The following FRMD4A variants were observed in gnomAD, a reference collection of about 807,000 sequenced individuals.
FRMD4A encodes the protein FERM domain-containing protein 4A.
Under a neutral mutation model 129.1 loss-of-function variants are expected in FRMD4A, and 29 were observed. That is an observed-to-expected ratio of 0.22 (90% confidence interval 0.17 to 0.31). The LOEUF (loss-of-function observed/expected upper bound fraction) is 0.31, where lower values mean the gene tolerates loss of function less well. FRMD4A is among the 10% of genes least tolerant of loss of function. The pLI, the probability that FRMD4A is intolerant of heterozygous loss-of-function variation, is 1.00. For missense variants in FRMD4A, 1,272 were observed against 1,375.8 expected (o/e 0.92, Z 1.19); for synonymous variants, 634 against 571.6 (o/e 1.11, Z -1.56).
intron 2 of FRMD4A, among the ~76,000 whole-genome samples, chr10:13,955,157 G>A (rs1312417110): frequency 8.3e-6 from 1 of 120,240 alleles, no homozygotes; most frequent in Non-Finnish European, 1.6e-5. Context: ...ACCCAGGCTG[G>A]AGTGCAGTGG....
At chr10:14,108,821 A>G (rs17154654) in intron 2 of FRMD4A, among the ~76,000 whole-genome samples, 41,256 of 152,086 alleles carry the variant, frequency 0.27, 6,591 homozygotes, top group East Asian at 0.5. Context: ...GAAGAAAATT[A>G]CTCCATAGAA....
intron 2 of FRMD4A, among the ~76,000 whole-genome samples, chr10:14,327,745 T>A (rs1843335134): frequency 6.6e-6 from 1 of 152,120 alleles, no homozygotes; most frequent in South Asian, 2.1e-4. Context: ...AGAACTGCAA[T>A]CCACCAACCT....
chr10:13,985,388 C>T (rs1349384730), intron 2 of FRMD4A, among the ~76,000 whole-genome samples: 1 of 152,204 alleles, frequency 6.6e-6, no homozygotes, highest in East Asian at 1.9e-4. Context: ...GAGCACCTCC[C>T]ACTGGCCTTG....
At chr10:14,282,240 G>A (rs1463801331) in intron 2 of FRMD4A, among the ~76,000 whole-genome samples, 2 of 152,118 alleles carry the variant, frequency 1.3e-5, no homozygotes, top group Non-Finnish European at 1.5e-5. Flanking sequence ...AATTTGGGTG[G>A]AGACACAGCC....
chr10:13,967,065 C>T (rs1459809543), intron 2 of FRMD4A, among the ~76,000 whole-genome samples: 2 of 152,196 alleles, frequency 1.3e-5, no homozygotes, highest in Non-Finnish European at 1.5e-5. Flanking sequence ...GGGCCGGGCG[C>T]GGTGGCTCAC....
intron 2 of FRMD4A, among the ~76,000 whole-genome samples, chr10:14,143,493 A>G (rs567418378): frequency 6.6e-6 from 1 of 152,382 alleles, no homozygotes; most frequent in East Asian, 1.9e-4. Flanking sequence ...TTCTTATTTA[A>G]TAGGGACAGA....
chr10:13,676,633 T>A (rs2084031707), intron 15 of FRMD4A, among the ~76,000 whole-genome samples: 1 of 152,106 alleles, frequency 6.6e-6, no homozygotes, highest in Non-Finnish European at 1.5e-5. Context: ...CGGACAGGTG[T>A]TAGAGGCTGT....
intron 15 of FRMD4A, among the ~76,000 whole-genome samples, chr10:13,687,596 C>T (rs756348341): frequency 1.4e-4 from 21 of 152,100 alleles, no homozygotes; most frequent in Non-Finnish European, 2.2e-4. Flanking sequence ...ATGTCTTAAC[C>T]AGATGGTTTG....
intron 2 of FRMD4A, among the ~76,000 whole-genome samples, chr10:14,296,595 A>C (rs1846017421): frequency 6.6e-6 from 1 of 152,236 alleles, no homozygotes; most frequent in African/African-American, 2.4e-5. Context: ...TGATTCCTTA[A>C]TATAAAAATG....
intron 2 of FRMD4A, among the ~76,000 whole-genome samples, chr10:14,033,858 AAAG>A (rs997466518): frequency 2.0e-5 from 3 of 152,090 alleles, no homozygotes; most frequent in African/African-American, 7.2e-5. Flanking sequence ...AAAGAAAAGA[AAAG>A]AAGTTAGGAA....
intron 4 of FRMD4A, among the ~76,000 whole-genome samples, chr10:13,801,401 C>G (rs1437013057): frequency 6.6e-6 from 1 of 152,224 alleles, no homozygotes; most frequent in African/African-American, 2.4e-5. Context: ...TTGAACTCGT[C>G]CACTCCAATC....
At chr10:14,097,862 A>G (rs2131768106) in intron 2 of FRMD4A, among the ~76,000 whole-genome samples, 1 of 147,956 alleles carries the variant, frequency 6.8e-6, no homozygotes, top group South Asian at 2.1e-4. Flanking sequence ...TGTCAATAAT[A>G]ATTTATAAAT....
intron 2 of FRMD4A, among the ~76,000 whole-genome samples, chr10:14,213,863 C>G (rs1430780254): frequency 6.6e-6 from 1 of 152,206 alleles, no homozygotes; most frequent in African/African-American, 2.4e-5. Context: ...GTGAATAAGT[C>G]TCCTGAGATC....
chr10:14,298,409 T>C (rs907641524), intron 2 of FRMD4A, among the ~76,000 whole-genome samples: 21 of 152,048 alleles, frequency 1.4e-4, no homozygotes, highest in Non-Finnish European at 2.5e-4. Flanking sequence ...AAAAAAACAA[T>C]GCAACTGGCC....
chr10:14,244,351 C>T (rs935295756), intron 2 of FRMD4A, among the ~76,000 whole-genome samples: 2 of 152,138 alleles, frequency 1.3e-5, no homozygotes, highest in East Asian at 1.9e-4. Context: ...CAGTGACTAG[C>T]GTCTAACTAA....
At chr10:14,104,550 G>A (rs74122479) in intron 2 of FRMD4A, among the ~76,000 whole-genome samples, 5,757 of 152,310 alleles carry the variant, frequency 0.038, 373 homozygotes, top group African/African-American at 0.13. Context: ...CTGTCCCTGA[G>A]GCTCTACGGT....
At chr10:13,672,115 A>T (rs183907808) in intron 16 of FRMD4A, among the ~76,000 whole-genome samples, 25 of 152,306 alleles carry the variant, frequency 1.6e-4, no homozygotes, top group Non-Finnish European at 3.1e-4. Flanking sequence ...GCGTGTGTAC[A>T]TGTGTACACG....
rs529144991 is a variant in FRMD4A, at chr10:13,769,041, A to G, written c.385-6361T>C. Among the ~76,000 whole-genome samples the G allele has an allele frequency of 2.2e-4, 27 of 123,132 alleles. No homozygotes were observed. In the South Asian group the frequency reaches 6.4e-3, roughly 29 times the overall value. 80.8% of individuals were successfully genotyped at this position (123,132 alleles called of 152,430 possible). A position where few individuals can be genotyped will look rare whatever the true frequency, so the allele number is the denominator to read the frequency against. On this transcript the variant is annotated intron_variant, in intron 6 of 24. Coordinates refer to ENST00000357447, the MANE Select transcript of FRMD4A (RefSeq NM_018027.5). ...AGTCTTGCCTTGTCGCCCAGGCTGG[A>G]GTGTAGTGGCGCGATTTCGGCTCAC...
intron 3 of FRMD4A, among the ~76,000 whole-genome samples, chr10:13,819,849 G>A (rs578115602): frequency 2.8e-4 from 42 of 152,098 alleles, no homozygotes; most frequent in South Asian, 8.3e-4. Flanking sequence ...AGCCACCCAA[G>A]TAGCTGGGAT....
Sources: gnomAD v4.1 joint callset for allele counts (sites outside exome capture counted in the v4.1 genomes callset) on GRCh38, gnomAD v4.1.1 for gene constraint, MANE v1.5 for transcripts, NCBI Gene and HGNC (gene_info 2026-07-23, HGNC 2026-07-21) for gene names.